The following ZMAT3 variants were observed in gnomAD, a reference collection of about 807,000 sequenced individuals.
ZMAT3 encodes zinc finger matrin-type protein 3.
Under a neutral mutation model 32.3 loss-of-function variants are expected in ZMAT3, and 17 were observed. The ratio of observed to expected loss-of-function variants is 0.53; its 90% CI spans 0.36 to 0.79. The LOEUF (loss-of-function observed/expected upper bound fraction) is 0.79, where lower values mean the gene tolerates loss of function less well. ZMAT3 is among the 30% of genes least tolerant of loss of function. The probability of loss-of-function intolerance (pLI) is 0.00; values close to 1 mark genes in which losing one functional copy is unlikely to be tolerated. For missense variants in ZMAT3, 329 were observed against 359.7 expected (o/e 0.91, Z 0.69); for synonymous variants, 120 against 133.1 (o/e 0.90, Z 0.68).
intron 1 of ZMAT3, among the ~76,000 whole-genome samples, chr3:179,069,991 A>G (rs1389291297): frequency 6.6e-6 from 1 of 152,202 alleles, no homozygotes; most frequent in Non-Finnish European, 1.5e-5. Context: ...TAGAAAACGG[A>G]ACTAAGTAGA....
chr3:179,051,443 C>A (rs1320755294), intron 2 of ZMAT3, among the ~76,000 whole-genome samples: 1 of 152,052 alleles, frequency 6.6e-6, no homozygotes, highest in East Asian at 1.9e-4. Context: ...ATATACTTAA[C>A]CAAAGAGCTG....
intron 4 of ZMAT3, 31 bp from the exon 5 acceptor site, chr3:179,027,554 T>C (rs776480708): frequency 6.2e-7 from 1 of 1,613,688 alleles, no homozygotes; most frequent in Non-Finnish European, 8.5e-7. Context: ...AAAGAGTGAG[T>C]CTTCTAAACA....
chr3:179,058,755 CAA>C (rs56006230), intron 2 of ZMAT3, among the ~76,000 whole-genome samples: 8 of 68,208 alleles, frequency 1.2e-4, no homozygotes, highest in Admixed American at 1.7e-4. Context: ...GACTCCGTCT[CAA>C]AAAAAAAAAA....
rs1437325581 is a variant in ZMAT3 at position 179,024,076 on chromosome 3, G to A, written c.*941C>T. The A allele has an allele frequency of 2.0e-5, 3 of 151,922 alleles. No homozygotes were observed. The highest frequency in any genetic ancestry group is 1.9e-4 in the East Asian group (1 of 5,148). 9.4% of individuals were successfully genotyped at this position (151,922 alleles called of 1,614,324 possible). On this transcript the variant is annotated 3_prime_UTR_variant, in exon 6 of 6. Coordinates refer to ENST00000311417, the MANE Select transcript of ZMAT3 (RefSeq NM_022470.4). ...CATTGAATATTCAAATATGAGGCTT[G>A]GAAAACCCACAGCACAGCTGGGGCA...
In ZMAT3 at chr3:179,065,584, A is replaced by G. The variant is rs75016264; in HGVS notation, c.270+1899T>C. ...TAAGGTATATGTATAATCCATGGAC[A>G]TGTTAAAATTACACACTGCCCGAGA... is the stretch of plus-strand genomic sequence containing the variant. On this transcript the variant is annotated intron_variant, in intron 2 of 5. Coordinates refer to ENST00000311417, the MANE Select transcript of ZMAT3 (RefSeq NM_022470.4). Among the ~76,000 whole-genome samples the G allele has an allele frequency of 5.9e-3, 901 of 152,316 alleles. 10 individuals carry two copies. Among genetic ancestry groups the G allele is most frequent in the East Asian group, 0.041 (210 of 5,184 alleles).
intron 2 of ZMAT3, among the ~76,000 whole-genome samples, chr3:179,042,179 C>T (rs1719974665): frequency 6.6e-6 from 1 of 152,194 alleles, no homozygotes; most frequent in East Asian, 1.9e-4. Flanking sequence ...GGTACCATTC[C>T]TTCTGAAACT....
chr3:179,067,865 C>A, intron 1 of ZMAT3, 56 bp from the exon 2 acceptor site: 1 of 1,443,202 alleles, frequency 6.9e-7, no homozygotes, highest in Non-Finnish European at 9.3e-7. Flanking sequence ...CAGACTTCAG[C>A]AAGATAACAT....
rs1718379477 is a variant in ZMAT3, at chr3:179,018,387, G to A, written c.*6630C>T. On this transcript the variant is annotated 3_prime_UTR_variant, in exon 6 of 6. Coordinates refer to ENST00000311417, the MANE Select transcript of ZMAT3 (RefSeq NM_022470.4). ...CAGCAAGATTTTTAGCAACTGCGTC[G>A]GGCTTAATTTGGAACTATGGCCATG... 2 of 151,952 alleles carry A rather than the reference G, an allele frequency of 1.3e-5. No individual in the cohort carries two copies. The highest frequency in any genetic ancestry group is 4.2e-4 in the South Asian group (2 of 4,804). 9.4% of individuals were successfully genotyped at this position (151,952 alleles called of 1,614,324 possible). A position where few individuals can be genotyped will look rare whatever the true frequency, so the allele number is the denominator to read the frequency against.
rs371763466 is a variant in ZMAT3 at position 179,035,991 on chromosome 3, G to A, written c.271-4992C>T. On this transcript the variant is annotated intron_variant, in intron 2 of 5. Transcript: ENST00000311417. ...TTGAGGGGCTACAAGGAGAGATAAC[G>A]GTCTTCTAGATCCTTTGGAGGAGAG... Among the ~76,000 whole-genome samples the A allele has an allele frequency of 4.3e-4, 65 of 152,292 alleles. 1 individual carries two copies. In the South Asian group the frequency reaches 0.012, roughly 29 times the overall value.
chr3:179,024,908 A>T lies in ZMAT3; in HGVS notation c.*109T>A. 1 of 1,084,510 alleles carries T rather than the reference A, an allele frequency of 9.2e-7. No homozygotes were observed. 67.2% of individuals were successfully genotyped at this position (1,084,510 alleles called of 1,614,324 possible). The stretch of plus-strand genomic sequence containing the variant: ...GGTACCACTGTGGGTTACATGTATT[A>T]ACATTAAGCAGAGGAATGTACTCAT... On this transcript the variant is annotated 3_prime_UTR_variant, in exon 6 of 6. Transcript: ENST00000311417.
At chr3:179,062,460 A>C (rs1721196286) in intron 2 of ZMAT3, among the ~76,000 whole-genome samples, 1 of 152,198 alleles carries the variant, frequency 6.6e-6, no homozygotes, top group African/African-American at 2.4e-5. Flanking sequence ...GAGGAATCAA[A>C]CTTGGACAAA....
chr3:179,027,394 C>T, intron 5 of ZMAT3, 29 bp downstream of exon 5: 1 of 1,594,284 alleles, frequency 6.3e-7, no homozygotes, highest in African/African-American at 1.3e-5. Context: ...ACAGAATGTA[C>T]CCAAGGTATG....
chr3:179,044,372 C>T (rs144809423), intron 2 of ZMAT3, among the ~76,000 whole-genome samples: 5 of 152,274 alleles, frequency 3.3e-5, no homozygotes, highest in South Asian at 2.1e-4. Context: ...TGGCCGGGCA[C>T]GGTGGCTCAC....
intron 2 of ZMAT3, among the ~76,000 whole-genome samples, chr3:179,049,345 C>T (rs1179231934): frequency 2.0e-5 from 3 of 152,168 alleles, no homozygotes; most frequent in Admixed American, 2.0e-4. Flanking sequence ...GAGGATCCTA[C>T]CCAACAACTG....
At position 179,055,226 on chromosome 3, in the gene ZMAT3, G is replaced by T. The variant is rs969441970; in HGVS notation, c.270+12257C>A. ...GACACTCAGACGCTAAGAAAGAAAC[G>T]ATTTATATTCTTCTGCAGTACCGCC... On this transcript the variant is annotated intron_variant, in intron 2 of 5. Transcript: ENST00000311417. 1.6e-4 allele frequency among the ~76,000 whole-genome samples: 24 copies of T among 152,252 alleles called. 1 individual carries two copies. Among genetic ancestry groups the T allele is most frequent in the African/African-American group, 5.8e-4 (24 of 41,544 alleles).
Position 179,018,419 on chromosome 3 carries a change from T to C in ZMAT3, c.*6598A>G, listed in dbSNP as rs914156054. 6 of 152,020 alleles carry C rather than the reference T, an allele frequency of 3.9e-5. No homozygotes were observed. The highest frequency in any genetic ancestry group is 1.4e-4 in the African/African-American group (6 of 41,404). 9.4% of individuals were successfully genotyped at this position (152,020 alleles called of 1,614,324 possible). ...ATTTGGAACTATGGCCATGAGAATA[T>C]GTTTAAGTTCAAAGAACTGCCAGAT... On this transcript the variant is annotated 3_prime_UTR_variant, in exon 6 of 6. Transcript: ENST00000311417.
chr3:179,052,313 A>G (rs1720608796), intron 2 of ZMAT3, among the ~76,000 whole-genome samples: 1 of 152,176 alleles, frequency 6.6e-6, no homozygotes, highest in Non-Finnish European at 1.5e-5. Context: ...AACAAACAAT[A>G]CCATCAAAAA....
chr3:179,027,051 AGC>A (rs1298435464), intron 5 of ZMAT3, among the ~76,000 whole-genome samples: 3 of 152,202 alleles, frequency 2.0e-5, no homozygotes, highest in Admixed American at 6.5e-5. Context: ...CTGTTTCACT[AGC>A]CTGGTTAAAA....
chr3:179,042,186 A>G (rs1719975220), intron 2 of ZMAT3, among the ~76,000 whole-genome samples: 1 of 152,190 alleles, frequency 6.6e-6, no homozygotes, highest in African/African-American at 2.4e-5. Context: ...TTCCTTCTGA[A>G]ACTATTCCAA....
Sources: gnomAD v4.1 joint callset for allele counts (sites outside exome capture counted in the v4.1 genomes callset) on GRCh38, gnomAD v4.1.1 for gene constraint, MANE v1.5 for transcripts, NCBI Gene and HGNC (gene_info 2026-07-23, HGNC 2026-07-21) for gene names.